ZNF208: variants seen among roughly 807,000 people sequenced by gnomAD.
The protein encoded by ZNF208 is zinc finger protein 95.
Under a neutral mutation model 12.1 loss-of-function variants are expected in ZNF208, and 10 were observed. That is an observed-to-expected ratio of 0.83 (90% CI 0.51 to 1.40). The LOEUF (loss-of-function observed/expected upper bound fraction) is 1.40. Among genes scored for constraint, ZNF208 ranks in the 40% most tolerant of loss-of-function variants. The pLI, the probability that ZNF208 is intolerant of heterozygous loss-of-function variation, is 0.00. For synonymous variants in ZNF208, 497 were observed against 488.4 expected (o/e 1.02, Z -0.23); for missense variants, 1,652 against 1,485.0 (o/e 1.11, Z -1.85).
At chr19:21,950,395 C>T (rs1036160983) in intron 4 of ZNF208, among the ~76,000 whole-genome samples, 5 of 151,992 alleles carry the variant, frequency 3.3e-5, no homozygotes, top group Admixed American at 3.3e-4. Flanking sequence ...CATGAAACCC[C>T]TAGAATTAAA....
rs542581929 is a variant in ZNF208, at chr19:22,003,169, TA to T, written c.3+7622del. Among the ~76,000 whole-genome samples the T allele has an allele frequency of 5.9e-5, 9 of 152,082 alleles. No individual in the cohort carries two copies. The East Asian group carries it at 1.4e-3, about 23-fold the overall frequency. On this transcript the variant is annotated intron_variant, in intron 1 of 3. Coordinates refer to ENST00000397126, the MANE Select transcript of ZNF208 (RefSeq NM_007153.3). ...GTAGTAGATTTTTTATAACACCATA[TA>T]AAAAAATCAACTCAAGGTAAATAAA... is the stretch of plus-strand genomic sequence containing the variant.
intron 3 of ZNF208, among the ~76,000 whole-genome samples, chr19:21,979,097 T>A (rs1208819437): frequency 6.6e-6 from 1 of 152,164 alleles, no homozygotes; most frequent in Admixed American, 6.5e-5. Context: ...CAAATCTACA[T>A]TTAATTCGGG....
chr19:21,976,129 T>A (rs575124372), intron 3 of ZNF208, among the ~76,000 whole-genome samples: 9 of 152,264 alleles, frequency 5.9e-5, no homozygotes, highest in African/African-American at 2.2e-4. Context: ...TTTTTAATTA[T>A]TCTCTAACAT....
Position 21,969,144 on chromosome 19 carries a change from T to C in ZNF208, c.*2047A>G, listed in dbSNP as rs991360285. On this transcript the variant is annotated 3_prime_UTR_variant, in exon 4 of 4. Coordinates refer to ENST00000397126, the MANE Select transcript of ZNF208 (RefSeq NM_007153.3). Reference sequence around the variant, plus strand: ...CCTTGGCTAATTTCTTTATTTCTTTTTAGTAAACATGTTTAGTAAACATTT... The same window carrying C: ...CCTTGGCTAATTTCTTTATTTCTTTCTAGTAAACATGTTTAGTAAACATTT... 5.9e-5 allele frequency among the ~76,000 whole-genome samples: 9 copies of C among 152,278 alleles called. No homozygotes were observed. Among genetic ancestry groups the C allele is most frequent in the African/African-American group, 2.2e-4 (9 of 41,586 alleles).
chr19:22,007,462 C>T (rs772322548), intron 1 of ZNF208, among the ~76,000 whole-genome samples: 13 of 141,472 alleles, frequency 9.2e-5, no homozygotes, highest in Admixed American at 5.2e-4. Flanking sequence ...AGTGAGATCC[C>T]GCCACTGCAC....
intron 4 of ZNF208, among the ~76,000 whole-genome samples, chr19:21,953,637 C>T (rs1391692776): frequency 6.6e-6 from 1 of 152,168 alleles, no homozygotes; most frequent in Non-Finnish European, 1.5e-5. Flanking sequence ...ACCAGGCCTG[C>T]CTTACAAGAG....
At position 21,971,677 on chromosome 19, in the gene ZNF208, G is replaced by A. The variant is rs1429691037; in HGVS notation, c.3357C>T (p.Gly1119=). The change falls in exon 4 of 4, where the codon GGC becomes GGT. Residue 1119 remains glycine (G), a synonymous_variant. Coordinates refer to ENST00000397126, the MANE Select transcript of ZNF208 (RefSeq NM_007153.3). ...GEKPYKCEEC[G]KSFSTFSILT... is the part of the protein sequence containing the mutation. ...GGATTGAGAACGTACTAAAGCTTTT[G>A]CCACATTCTTCACATTTGTAGGGTT... 5 of 1,613,542 alleles carry A rather than the reference G, an allele frequency of 3.1e-6. No homozygotes were observed. The highest frequency in any genetic ancestry group is 2.2e-5 in the South Asian group (2 of 91,068).
At chr19:21,979,551 C>A (rs763234768) in intron 3 of ZNF208, among the ~76,000 whole-genome samples, 8 of 152,142 alleles carry the variant, frequency 5.3e-5, no homozygotes, top group Non-Finnish European at 1.0e-4. Context: ...CACCACCAGG[C>A]CTGCCTTACA....
chr19:21,971,570 G>A lies in ZNF208; in HGVS notation c.3464C>T (p.Thr1155Ile). The change falls in exon 4 of 4, where the codon ACC becomes ATC. Residue 1155 changes from threonine (T) to isoleucine (I), a missense_variant. Around this residue, in one of 3 missense-constraint regions of ZNF208, gnomAD observed 1,239 missense variants for 1,086.2 expected, o/e 1.14. Coordinates refer to ENST00000397126, the MANE Select transcript of ZNF208 (RefSeq NM_007153.3). ...ATGAATTTTCTTATGATAACTAAGG[G>A]TTGAGGACCACTTATAGGCTTTGCC... The part of the protein sequence containing the change: ...ECGKAYKWSS[T>I]LSYHKKIHTV... 1.2e-6 allele frequency: 2 copies of A among 1,602,938 alleles called. No individual in the cohort carries two copies. Among genetic ancestry groups the A allele is most frequent in the Non-Finnish European group, 1.7e-6 (2 of 1,177,244 alleles).
chr19:21,949,469 C>T (rs1363088649), intron 4 of ZNF208, among the ~76,000 whole-genome samples: 1 of 152,114 alleles, frequency 6.6e-6, no homozygotes. Flanking sequence ...GGGGACCTTA[C>T]ACATTACTGG....
intron 4 of ZNF208, chr19:21,940,149 A>C (rs1275485501): frequency 7.3e-6 from 1 of 136,124 alleles, no homozygotes; most frequent in Non-Finnish European, 1.6e-5. Context: ...AAGTTTTATA[A>C]GAGTAAAGAG....
intron 3 of ZNF208, among the ~76,000 whole-genome samples, chr19:21,978,881 T>C (rs565325276): frequency 6.6e-6 from 1 of 152,096 alleles, no homozygotes; most frequent in Admixed American, 6.5e-5. Flanking sequence ...TTAGAGAACA[T>C]AAATGCCTGA....
chr19:22,005,644 T>A (rs2054102819), intron 1 of ZNF208, among the ~76,000 whole-genome samples: 1 of 152,190 alleles, frequency 6.6e-6, no homozygotes, highest in Non-Finnish European at 1.5e-5. Flanking sequence ...CATCTATGCT[T>A]CTGACCTACT....
chr19:21,989,121 T>C (rs570200110), intron 1 of ZNF208, among the ~76,000 whole-genome samples: 1 of 152,110 alleles, frequency 6.6e-6, no homozygotes, highest in East Asian at 1.9e-4. Flanking sequence ...AGTTTTATGG[T>C]ACATGTGCAG....
chr19:21,981,920 C>G (rs1376236158), intron 3 of ZNF208, among the ~76,000 whole-genome samples: 2 of 151,932 alleles, frequency 1.3e-5, no homozygotes, highest in Non-Finnish European at 2.9e-5. Context: ...CAATAATAGC[C>G]AAATCATGAG....
In ZNF208 at chr19:21,972,887, G is replaced by T. The variant is rs1970330360; in HGVS notation, c.2147C>A (p.Thr716Asn). 6.2e-7 allele frequency: 1 copy of T among 1,613,238 alleles called. No homozygotes were observed. Among genetic ancestry groups the T allele is most frequent in the Admixed American group, 1.7e-5 (1 of 59,900 alleles). The part of the protein sequence containing the change: ...SNLMEHKRIH[T>N]GEKPYKCEEC... ...TTCACATTTGTAGGGTTTCTCTCCAGTATGAATTCTCTTATGTTCCATAAG... is the reference window on the plus strand; with the variant it reads ...TTCACATTTGTAGGGTTTCTCTCCATTATGAATTCTCTTATGTTCCATAAG... The change falls in exon 4 of 4, where the codon ACT becomes AAT. Residue 716 changes from threonine to asparagine, a missense_variant. Around this residue, in one of 3 missense-constraint regions of ZNF208, gnomAD observed 1,239 missense variants for 1,086.2 expected, o/e 1.14. Transcript: ENST00000397126.
intron 4 of ZNF208, among the ~76,000 whole-genome samples, chr19:21,944,227 G>T (rs970412785): frequency 6.6e-6 from 1 of 152,118 alleles, no homozygotes; most frequent in African/African-American, 2.4e-5. Context: ...CAGAAAGAAA[G>T]CAGAAATGAA....
In ZNF208 at chr19:21,972,439, T is replaced by A. The variant is rs1384999193; in HGVS notation, c.2595A>T (p.Glu865Asp). 1 of 1,613,268 alleles carries A rather than the reference T, an allele frequency of 6.2e-7. No individual in the cohort carries two copies. Among genetic ancestry groups the A allele is most frequent in the Admixed American group, 1.7e-5 (1 of 59,916 alleles). Reference sequence around the variant, plus strand: ...AGGGCCATTTATAGGCTTTGCCACATTCTTCACATTTGTAGGGTTTCTCTC... The same window carrying A: ...AGGGCCATTTATAGGCTTTGCCACAATCTTCACATTTGTAGGGTTTCTCTC... ...HTGEKPYKCE[E>D]CGKAYKWPST... Residue 865 changes from glutamate to aspartate, a missense_variant, in exon 4 of 4, where the codon GAA becomes GAT. Coordinates refer to ENST00000397126, the MANE Select transcript of ZNF208 (RefSeq NM_007153.3).
intron 3 of ZNF208, among the ~76,000 whole-genome samples, chr19:21,976,854 C>G (rs567950080): frequency 3.9e-5 from 6 of 152,020 alleles, no homozygotes; most frequent in African/African-American, 1.4e-4. Flanking sequence ...AGCCACCGTG[C>G]CCAGGCTATT....
Sources: allele counts gnomAD v4.1 joint callset (sites outside exome capture counted in the v4.1 genomes callset), GRCh38; gene constraint gnomAD v4.1.1; regional missense constraint gnomAD v4.1.1; transcripts MANE v1.5; gene names NCBI Gene and HGNC (gene_info 2026-07-23, HGNC 2026-07-21).